The following MYH6 variants were observed in gnomAD, a reference collection of about 807,000 sequenced individuals.
MYH6 encodes the protein myosin-6.
In MYH6, 126 loss-of-function variants were observed where a neutral mutation model predicts 223.2. That is an observed-to-expected ratio of 0.56 (90% CI 0.49 to 0.65). MYH6 has a LOEUF of 0.65. MYH6 is among the 30% of genes least tolerant of loss of function. The probability of loss-of-function intolerance (pLI) is 0.00; values close to 1 mark genes in which losing one functional copy is unlikely to be tolerated. For synonymous variants in MYH6, 978 were observed against 1,010.2 expected (o/e 0.97, Z 0.61); for missense variants, 2,040 against 2,536.4 (o/e 0.80, Z 4.20).
chr14:23,403,579 A>T, intron 9 of MYH6, 133 bp from the exon 10 acceptor site: 1 of 1,186,260 alleles, frequency 8.4e-7, no homozygotes, highest in Non-Finnish European at 1.3e-6. Context: ...GATGTGGCTT[A>T]AATAAAAAGG....
rs149034392 is a variant in MYH6 at position 23,396,601 on chromosome 14, A to T, written c.2292+93T>A. ...CAGCCCTTGATAAGGTTGATAAGGA[A>T]GCCAGAATTAGGCTTCTGCCTCCTA... On this transcript the variant is annotated intron_variant, in intron 19 of 38. Coordinates refer to ENST00000405093, the MANE Select transcript of MYH6 (RefSeq NM_002471.4). 2.6e-3 allele frequency: 4,257 copies of T among 1,607,374 alleles called. 40 individuals carry two copies. Among genetic ancestry groups the T allele is most frequent in the Admixed American group, 0.019 (1,163 of 59,726 alleles).
At chr14:23,385,882 C>T in intron 34 of MYH6, 46 bp downstream of exon 34, 1 of 1,613,758 alleles carries the variant, frequency 6.2e-7, no homozygotes, top group Middle Eastern at 1.7e-4. Context: ...ATGTCCTGGG[C>T]TCTGCACTCA....
chr14:23,400,138 G>A (rs1891553372), intron 14 of MYH6, 118 bp downstream of exon 14: 1 of 1,478,246 alleles, frequency 6.8e-7, no homozygotes. Flanking sequence ...GAGAAGCTGG[G>A]CCTGGAGAAA....
At chr14:23,385,382 T>A (rs556442647) in intron 34 of MYH6, among the ~76,000 whole-genome samples, 17 of 151,026 alleles carry the variant, frequency 1.1e-4, no homozygotes, top group Non-Finnish European at 2.5e-4. Context: ...TCCAGAGATG[T>A]TTATAGCTAT....
chr14:23,382,707 G>C lies in MYH6; in HGVS notation c.5662-145C>G, dbSNP rs1385918008. On this transcript the variant is annotated intron_variant, in intron 37 of 38. Coordinates refer to ENST00000405093, the MANE Select transcript of MYH6 (RefSeq NM_002471.4). ...GCAACAGCCTTCCCAAGGGTATCCT[G>C]CAACTGCCTTGCACTCTTCTCAAAC... 2.1e-5 allele frequency: 25 copies of C among 1,211,732 alleles called. 1 individual carries two copies. The Admixed American group carries it at 3.5e-4, about 17-fold the overall frequency. 75.1% of individuals were successfully genotyped at this position (1,211,732 alleles called of 1,614,324 possible).
intron 35 of MYH6, 59 bp from the exon 36 acceptor site, chr14:23,384,776 C>T (rs533244133): frequency 4.5e-5 from 73 of 1,613,698 alleles, no homozygotes; most frequent in Admixed American, 1.2e-4. Context: ...CTTTTGCCCC[C>T]CAAGGATCTC....
In MYH6 at chr14:23,393,994, G is replaced by A. The variant is rs568996929; in HGVS notation, c.2685+74C>T. 4.0e-5 allele frequency: 64 copies of A among 1,613,756 alleles called. No individual in the cohort carries two copies. The African/African-American group carries it at 7.6e-4, about 19-fold the overall frequency. On this transcript the variant is annotated intron_variant, in intron 21 of 38. Coordinates refer to ENST00000405093, the MANE Select transcript of MYH6 (RefSeq NM_002471.4). ...AAGAGCTGGCACTCCTAGACTCCCA[G>A]TCCCTGGTTGTGAGATGGGCTATAA...
chr14:23,397,644 G>A, intron 15 of MYH6, 31 bp from the exon 16 acceptor site: 1 of 1,611,620 alleles, frequency 6.2e-7, no homozygotes, highest in Non-Finnish European at 8.5e-7. Flanking sequence ...TAATCAACAG[G>A]AGCTGGAAAA....
intron 36 of MYH6, 91 bp downstream of exon 36, chr14:23,384,351 G>A: frequency 6.3e-7 from 1 of 1,577,638 alleles, no homozygotes; most frequent in Non-Finnish European, 8.6e-7. Context: ...AGCATCTCAA[G>A]GAGGAGGTGA....
intron 15 of MYH6, among the ~76,000 whole-genome samples, chr14:23,397,946 C>CTTCTTCTTCTTCTTT (rs1891461353): frequency 4.4e-5 from 3 of 67,444 alleles, no homozygotes; most frequent in East Asian, 3.7e-4. Flanking sequence ...TCTTCTTCTT[C>CTTCTTCTTCTTCTTT]TTCTTCTTCT....
Position 23,400,868 on chromosome 14 carries a change from G to T in MYH6, c.1251C>A (p.Ser417Arg), listed in dbSNP as rs543839082. The change falls in exon 13 of 39, where the codon AGC becomes AGA. Residue 417 changes from serine to arginine, a missense_variant. By Grantham distance (110) the Ser-to-Arg change is moderately radical. This residue lies in a region of MYH6 where 649 missense variants were observed against 877.3 expected (regional missense o/e 0.74). Transcript: ENST00000405093. ...CGATGGAGTAGTACACCTGCTGCAC[G>T]CTCTGCCCCTTGGTGACATACTCGT... The part of the protein sequence containing the change: ...VGNEYVTKGQ[S>R]VQQVYYSIGA... 3 of 1,614,210 alleles carry T rather than the reference G, an allele frequency of 1.9e-6. No homozygotes were observed. Among genetic ancestry groups the T allele is most frequent in the Admixed American group, 3.3e-5 (2 of 60,020 alleles).
chr14:23,382,667 C>T (rs1207794095), intron 37 of MYH6, 105 bp from the exon 38 acceptor site: 1 of 1,528,070 alleles, frequency 6.5e-7, no homozygotes, highest in African/African-American at 1.4e-5. Context: ...GCACCCATAC[C>T]TCATGCATAT....
intron 12 of MYH6, among the ~76,000 whole-genome samples, chr14:23,401,316 A>T (rs748786532): frequency 7.9e-5 from 12 of 152,226 alleles, no homozygotes; most frequent in Non-Finnish European, 1.5e-4. Context: ...CTGAGTGAAC[A>T]CTTTCAGGGA....
Position 23,396,826 on chromosome 14 carries a change from G to A in MYH6, c.2169-9C>T, listed in dbSNP as rs1423341577. 1.2e-6 allele frequency: 2 copies of A among 1,613,852 alleles called. No individual in the cohort carries two copies. Among genetic ancestry groups the A allele is most frequent in the Non-Finnish European group, 1.7e-6 (2 of 1,179,880 alleles). ...GGTTCAGGATGCGATACCTGAGGAG[G>A]GAAGTGTCCAGAGTCACCCATGCTC... is the stretch of plus-strand genomic sequence containing the variant. On this transcript the variant is annotated splice_polypyrimidine_tract_variant and intron_variant, in intron 18 of 38. Transcript: ENST00000405093.
At position 23,390,111 on chromosome 14, in the gene MYH6, G is replaced by C; in HGVS notation, c.3678C>G (p.Phe1226Leu). The C allele has an allele frequency of 6.2e-7, 1 of 1,612,512 alleles. No homozygotes were observed. Among genetic ancestry groups the C allele is most frequent in the South Asian group, 1.1e-5 (1 of 90,986 alleles). The change falls in exon 26 of 39, where the codon TTC becomes TTG. Residue 1226 changes from phenylalanine to leucine, a missense_variant. Transcript: ENST00000405093. ...KQKLEKEKSE[F>L]KLELDDVTSN... ...AGGTGACGTCATCCAGCTCCAGCTT[G>C]AACTCGCTCTTCTCCTTCTCCAGCT...
chr14:23,400,748 G>A lies in MYH6; in HGVS notation c.1371C>T (p.Phe457=). The A allele has an allele frequency of 1.2e-6, 2 of 1,614,256 alleles. No homozygotes were observed. Among genetic ancestry groups the A allele is most frequent in the Middle Eastern group, 1.6e-4 (1 of 6,062 alleles). The part of the protein sequence containing the change: ...TLETKQPRQY[F]IGVLDIAGFE... ...AGCCAGCGATGTCCAGGACTCCTAT[G>A]AAGTACTGGCGTGGCTGCTTGGTCT... is the stretch of plus-strand genomic sequence containing the variant. The change falls in exon 13 of 39, where the codon TTC becomes TTT. Residue 457 remains phenylalanine (F), a synonymous_variant. Coordinates refer to ENST00000405093, the MANE Select transcript of MYH6 (RefSeq NM_002471.4).
At chr14:23,397,958 C>CTTCTTCTTCTTCTTT (rs1891468740) in intron 15 of MYH6, among the ~76,000 whole-genome samples, 4 of 113,598 alleles carry the variant, frequency 3.5e-5, no homozygotes, top group Non-Finnish European at 5.4e-5. Flanking sequence ...TCTTCTTCTT[C>CTTCTTCTTCTTCTTT]TTCTTCTTCT....
chr14:23,387,662 C>G lies in MYH6; in HGVS notation c.4526-9G>C, dbSNP rs201785356. The G allele has an allele frequency of 3.0e-5, 49 of 1,614,102 alleles. No individual in the cohort carries two copies. In the African/African-American group the frequency reaches 4.7e-4, roughly 15 times the overall value. The stretch of plus-strand genomic sequence containing the variant: ...AAGGTCCGAGATTTCCTCTGGGGAC[C>G]AGAGGGCCAGAAAGCTCAAAGCCTA... On this transcript the variant is annotated splice_polypyrimidine_tract_variant and intron_variant, in intron 31 of 38. Transcript: ENST00000405093.
chr14:23,406,465 T>TTA (rs1891791360), intron 3 of MYH6, among the ~76,000 whole-genome samples: 3 of 152,152 alleles, frequency 2.0e-5, no homozygotes, highest in Non-Finnish European at 4.4e-5. Context: ...TAACATTCAG[T>TTA]CAACGAGTTC....
Sources: allele counts gnomAD v4.1 joint callset (sites outside exome capture counted in the v4.1 genomes callset), GRCh38; gene constraint gnomAD v4.1.1; regional missense constraint gnomAD v4.1.1; transcripts MANE v1.5; gene names NCBI Gene and HGNC (gene_info 2026-07-23, HGNC 2026-07-21).